Variants in CFAP95 observed in about 807,000 individuals in gnomAD.
CFAP95 encodes the protein cilia and flagella associated protein 95.
At chr9:69,892,800 C>T in the CFAP95 span, among the ~76,000 whole-genome samples, 1 of 152,284 alleles carries the variant, frequency 6.6e-6, no homozygotes, top group Admixed American at 6.5e-5. Context: ...AGGGACAGTT[C>T]GTTGAGAGGA....
the CFAP95 span, among the ~76,000 whole-genome samples, chr9:69,836,506 C>T: frequency 3.3e-5 from 5 of 152,136 alleles, no homozygotes; most frequent in South Asian, 2.1e-4. Context: ...CAAATTGATC[C>T]CCTTCTCCAA....
At chr9:69,829,951 T>C in the CFAP95 span, among the ~76,000 whole-genome samples, 1 of 152,194 alleles carries the variant, frequency 6.6e-6, no homozygotes, top group Non-Finnish European at 1.5e-5. Context: ...TTGCCCTAGC[T>C]TAAGAAAACA....
At chr9:69,896,327 G>A in the CFAP95 span, among the ~76,000 whole-genome samples, 273 of 152,298 alleles carry the variant, frequency 1.8e-3, 1 homozygote, top group Middle Eastern at 3.4e-3. Flanking sequence ...GTATTGCTTA[G>A]TTTTTGATGC....
the CFAP95 span, among the ~76,000 whole-genome samples, chr9:69,849,519 T>C: frequency 1.3e-5 from 2 of 152,138 alleles, no homozygotes; most frequent in African/African-American, 4.8e-5. Flanking sequence ...AAGGAACTCA[T>C]AGGTTCCTAG....
the CFAP95 span, among the ~76,000 whole-genome samples, chr9:69,849,001 C>G: frequency 6.6e-6 from 1 of 152,122 alleles, no homozygotes; most frequent in African/African-American, 2.4e-5. Context: ...CTGATTGTAC[C>G]TACTTATAAG....
At chr9:69,876,203 T>C in the CFAP95 span, among the ~76,000 whole-genome samples, 6,181 of 152,284 alleles carry the variant, frequency 0.041, 382 homozygotes, top group African/African-American at 0.14. Flanking sequence ...ATTGTTGTTT[T>C]ACTTTGCATT....
the CFAP95 span, among the ~76,000 whole-genome samples, chr9:69,862,390 C>T: frequency 9.2e-3 from 1,397 of 152,236 alleles, 24 homozygotes; most frequent in African/African-American, 0.032. Context: ...ACATGAACAC[C>T]TTCAACCGGC....
At chr9:69,825,072 G>A in the CFAP95 span, among the ~76,000 whole-genome samples, 16 of 151,986 alleles carry the variant, frequency 1.1e-4, no homozygotes, top group Non-Finnish European at 1.8e-4. Context: ...TTATTTTTAT[G>A]CATTTTGGTC....
At chr9:69,829,886 A>G in the CFAP95 span, among the ~76,000 whole-genome samples, 3 of 152,106 alleles carry the variant, frequency 2.0e-5, no homozygotes, top group Non-Finnish European at 2.9e-5. Context: ...CATTCGCACC[A>G]TTTTCTGTGT....
chr9:69,868,482 A>G, the CFAP95 span, among the ~76,000 whole-genome samples: 156 of 152,166 alleles, frequency 1.0e-3, 1 homozygote, highest in East Asian at 0.027. Context: ...ACATGGTGAA[A>G]CCCCGTCTCT....
the CFAP95 span, among the ~76,000 whole-genome samples, chr9:69,878,995 G>A: frequency 1.1e-4 from 17 of 152,228 alleles, no homozygotes; most frequent in South Asian, 3.5e-3. Flanking sequence ...ACCAGATAGT[G>A]CGAGAACTCA....
chr9:69,857,728 A>T, the CFAP95 span, among the ~76,000 whole-genome samples: 1 of 151,996 alleles, frequency 6.6e-6, no homozygotes, highest in African/African-American at 2.4e-5. Flanking sequence ...GGGTTTTACC[A>T]TGTTGCCCAG....
At chr9:69,856,920 GTTTT>G in the CFAP95 span, among the ~76,000 whole-genome samples, 3 of 125,926 alleles carry the variant, frequency 2.4e-5, no homozygotes, top group African/African-American at 8.8e-5. Context: ...CTTTATATGT[GTTTT>G]TTTTTTTTTT....
At chr9:69,864,008 G>A in the CFAP95 span, among the ~76,000 whole-genome samples, 1 of 152,134 alleles carries the variant, frequency 6.6e-6, no homozygotes. Flanking sequence ...TGCTGTGTGA[G>A]AAGCAGGTCC....
the CFAP95 span, among the ~76,000 whole-genome samples, chr9:69,821,398 A>C: frequency 2.0e-5 from 3 of 152,090 alleles, no homozygotes; most frequent in Non-Finnish European, 4.4e-5. Flanking sequence ...GCAGCAGCCA[A>C]ATCCCCGCCA....
At chr9:69,826,707 A>AGGGAAGAG in the CFAP95 span, among the ~76,000 whole-genome samples, 2 of 152,082 alleles carry the variant, frequency 1.3e-5, no homozygotes, top group Non-Finnish European at 2.9e-5. Flanking sequence ...TTGACGGGAG[A>AGGGAAGAG]GGGAAGAGGC....
chr9:69,860,939 C>T, the CFAP95 span, among the ~76,000 whole-genome samples: 1 of 152,124 alleles, frequency 6.6e-6, no homozygotes, highest in Non-Finnish European at 1.5e-5. Flanking sequence ...TCCTGTAGGA[C>T]CTGCCTGAGG....
At chr9:69,836,475 C>G in the CFAP95 span, among the ~76,000 whole-genome samples, 1 of 152,110 alleles carries the variant, frequency 6.6e-6, no homozygotes, top group African/African-American at 2.4e-5. Flanking sequence ...TGCATTGTCT[C>G]TGGGGTGGGA....
the CFAP95 span, among the ~76,000 whole-genome samples, chr9:69,897,272 A>AC: frequency 6.6e-6 from 1 of 152,256 alleles, no homozygotes; most frequent in Non-Finnish European, 1.5e-5. Flanking sequence ...CAAAATGAGC[A>AC]TCCTTATAGG....
Sources: allele counts gnomAD v4.1 joint callset (sites outside exome capture counted in the v4.1 genomes callset), GRCh38; gene constraint gnomAD v4.1.1; transcripts MANE v1.5; gene names NCBI Gene and HGNC (gene_info 2026-07-23, HGNC 2026-07-21).